Variants in CDH13 observed in about 807,000 individuals in gnomAD.
CDH13 encodes the protein cadherin 13.
In CDH13, 24 loss-of-function variants were observed where a neutral mutation model predicts 63.8. That is an observed-to-expected ratio of 0.38 (90% CI 0.27 to 0.53). The LOEUF is 0.53. Ranked by LOEUF, CDH13 falls within the 20% of genes least tolerant of loss-of-function variation. The pLI is 0.85. For missense variants in CDH13, 1,049 were observed against 903.1 expected (o/e 1.16, Z -2.07); for synonymous variants, 503 against 355.3 (o/e 1.42, Z -4.67).
chr16:82,700,490 T>A (rs1377498126), intron 1 of CDH13, among the ~76,000 whole-genome samples: 2 of 151,054 alleles, frequency 1.3e-5, no homozygotes, highest in Non-Finnish European at 2.9e-5. Flanking sequence ...AACTTTATTA[T>A]TAAGGAAGAT....
At position 83,046,380 on chromosome 16, in the gene CDH13, A is replaced by C. The variant is rs1035950022; in HGVS notation, c.366+14162A>C. ...ACTGTTTTTCTTCCAGCAGAAAACCAATTTGGCAAACACTTATTTTTCTTT... is the reference window on the plus strand; with the variant it reads ...ACTGTTTTTCTTCCAGCAGAAAACCCATTTGGCAAACACTTATTTTTCTTT... On this transcript the variant is annotated intron_variant, in intron 3 of 13. Coordinates refer to ENST00000567109, the MANE Select transcript of CDH13 (RefSeq NM_001257.5). Among the ~76,000 whole-genome samples the C allele has an allele frequency of 5.9e-5, 9 of 152,238 alleles. No individual in the cohort carries two copies. The South Asian group carries it at 1.2e-3, about 21-fold the overall frequency.
rs1267341925 is a variant in CDH13 at position 83,294,884 on chromosome 16, A to T, written c.637-49978A>T. ...TCACAGAACTAGGAAAAATCATCCT[A>T]AAAATCATATGAAACCACAAAAGAC... On this transcript the variant is annotated intron_variant, in intron 5 of 13. Transcript: ENST00000567109. Among the ~76,000 whole-genome samples the T allele has an allele frequency of 2.0e-5, 3 of 152,144 alleles. No individual in the cohort carries two copies. The East Asian group carries it at 5.8e-4, about 29-fold the overall frequency.
chr16:82,822,970 G>C (rs750908722), intron 1 of CDH13, among the ~76,000 whole-genome samples: 1 of 152,100 alleles, frequency 6.6e-6, no homozygotes, highest in African/African-American at 2.4e-5. Flanking sequence ...CATAGACCTG[G>C]GTGTGGAACA....
chr16:82,630,847 T>C (rs1304607975), intron 1 of CDH13, among the ~76,000 whole-genome samples: 1 of 152,226 alleles, frequency 6.6e-6, no homozygotes, highest in Non-Finnish European at 1.5e-5. Context: ...TGAGTGAGTG[T>C]GTACATCTCT....
At chr16:82,906,643 A>G (rs984969560) in intron 2 of CDH13, among the ~76,000 whole-genome samples, 8 of 152,036 alleles carry the variant, frequency 5.3e-5, no homozygotes, top group Admixed American at 5.2e-4. Context: ...ATTACCACTA[A>G]CTCAAATGGC....
chr16:82,879,081 C>A (rs913179249), intron 2 of CDH13, among the ~76,000 whole-genome samples: 7 of 152,100 alleles, frequency 4.6e-5, no homozygotes, highest in Non-Finnish European at 2.9e-5. Context: ...GCTCCATATT[C>A]TGGTGGGATA....
chr16:83,121,041 C>T (rs1434202636), intron 3 of CDH13, among the ~76,000 whole-genome samples: 1 of 152,120 alleles, frequency 6.6e-6, no homozygotes, highest in Admixed American at 6.5e-5. Flanking sequence ...GGATTACAGG[C>T]GTGATCCGCT....
At chr16:82,997,866 T>G (rs1912418230) in intron 2 of CDH13, among the ~76,000 whole-genome samples, 1 of 152,230 alleles carries the variant, frequency 6.6e-6, no homozygotes, top group African/African-American at 2.4e-5. Flanking sequence ...GTTGCAGCTC[T>G]TATCAGGCCA....
intron 10 of CDH13, among the ~76,000 whole-genome samples, chr16:83,720,793 T>TGGG (rs1909590690): frequency 1.3e-5 from 2 of 152,160 alleles, no homozygotes; most frequent in Non-Finnish European, 2.9e-5. Flanking sequence ...GGCCAGTCCA[T>TGGG]CCTGGAAGGT....
chr16:83,129,799 C>A (rs2035972659), intron 4 of CDH13, among the ~76,000 whole-genome samples: 1 of 152,210 alleles, frequency 6.6e-6, no homozygotes, highest in African/African-American at 2.4e-5. Context: ...CACTGAAAAG[C>A]TGACACATAG....
At chr16:83,412,897 A>G (rs1326343507) in intron 6 of CDH13, among the ~76,000 whole-genome samples, 1 of 152,198 alleles carries the variant, frequency 6.6e-6, no homozygotes, top group African/African-American at 2.4e-5. Context: ...GGTTTATTTC[A>G]TGTTACTTCC....
intron 5 of CDH13, among the ~76,000 whole-genome samples, chr16:83,273,884 G>A (rs1334671802): frequency 6.6e-6 from 1 of 152,072 alleles, no homozygotes; most frequent in Non-Finnish European, 1.5e-5. Context: ...CAAACAGTTG[G>A]TACTGAACCT....
intron 2 of CDH13, among the ~76,000 whole-genome samples, chr16:82,885,980 A>T (rs1387115321): frequency 2.0e-5 from 3 of 152,206 alleles, no homozygotes; most frequent in Non-Finnish European, 4.4e-5. Context: ...CAGAGTTTTC[A>T]AGATCTGGTG....
intron 7 of CDH13, among the ~76,000 whole-genome samples, chr16:83,496,241 A>G (rs1369168603): frequency 1.3e-5 from 2 of 149,618 alleles, no homozygotes; most frequent in East Asian, 2.0e-4. Context: ...GAGGCATCAC[A>G]CTACCTGACT....
intron 5 of CDH13, among the ~76,000 whole-genome samples, chr16:83,273,785 G>A (rs890169393): frequency 1.3e-5 from 2 of 152,036 alleles, no homozygotes; most frequent in East Asian, 1.9e-4. Context: ...TTTTATTTTC[G>A]TAACTACGCA....
intron 10 of CDH13, among the ~76,000 whole-genome samples, chr16:83,708,644 G>A (rs1001305389): frequency 2.0e-5 from 3 of 152,168 alleles, no homozygotes; most frequent in African/African-American, 7.2e-5. Flanking sequence ...ACAGTAAAAA[G>A]GACTCTGCAG....
intron 7 of CDH13, among the ~76,000 whole-genome samples, chr16:83,591,035 C>T (rs367953827): frequency 2.0e-5 from 3 of 151,732 alleles, no homozygotes; most frequent in Non-Finnish European, 2.9e-5. Context: ...CTCAGCCTCC[C>T]GAGTAGTTGG....
chr16:83,494,393 A>C (rs1425954120), intron 7 of CDH13, among the ~76,000 whole-genome samples: 1 of 152,222 alleles, frequency 6.6e-6, no homozygotes, highest in Non-Finnish European at 1.5e-5. Flanking sequence ...TATTGAACTT[A>C]AATAACATTG....
intron 2 of CDH13, among the ~76,000 whole-genome samples, chr16:82,876,771 G>A (rs2040520761): frequency 6.6e-6 from 1 of 152,214 alleles, no homozygotes; most frequent in Admixed American, 6.5e-5. Flanking sequence ...CAGGTATCAT[G>A]TTTGGAAGCC....
Sources: gnomAD v4.1 joint callset for allele counts (sites outside exome capture counted in the v4.1 genomes callset) on GRCh38, gnomAD v4.1.1 for gene constraint, MANE v1.5 for transcripts, NCBI Gene and HGNC (gene_info 2026-07-23, HGNC 2026-07-21) for gene names.